Variants in PCDHGB5 observed in about 807,000 individuals in gnomAD.
PCDHGB5 encodes the protein protocadherin gamma-B5.
PCDHGB5 carries 48 observed loss-of-function variants against 62.9 expected under a neutral mutation model. The observed-to-expected ratio is 0.76, with a 90% confidence interval of 0.61 to 0.97. The LOEUF is 0.97. Ranked by LOEUF, PCDHGB5 falls within the 50% of genes least tolerant of loss-of-function variation. The probability of loss-of-function intolerance (pLI) is 0.00; values close to 1 mark genes in which losing one functional copy is unlikely to be tolerated. For missense variants in PCDHGB5, 1,118 were observed against 1,198.6 expected, an observed-to-expected ratio of 0.93 and a Z score of 0.99; for synonymous variants, 474 against 511.2, an observed-to-expected ratio of 0.93 and a Z score of 0.98.
intron 1 of PCDHGB5, among the ~76,000 whole-genome samples, chr5:141,483,459 G>A (rs1214951485): frequency 6.6e-6 from 1 of 152,186 alleles, no homozygotes; most frequent in Non-Finnish European, 1.5e-5. Flanking sequence ...AGGACTTGTT[G>A]ATTGACATGA....
In PCDHGB5 at chr5:141,489,750, C is replaced by A. The variant is rs753217170; in HGVS notation, c.2398-5057C>A. 1 of 1,614,098 alleles carries A rather than the reference C, an allele frequency of 6.2e-7. No individual in the cohort carries two copies. The highest frequency in any genetic ancestry group is 1.1e-5 in the South Asian group (1 of 91,080). Reference sequence around the variant, plus strand: ...TGGGCACCAATACTGTGAGCTTTTACACTCTAAGCCCCAACAGCCACTTCT... The same window carrying A: ...TGGGCACCAATACTGTGAGCTTTTAAACTCTAAGCCCCAACAGCCACTTCT... On this transcript the variant is annotated intron_variant, in intron 1 of 3. Coordinates refer to ENST00000617380, the MANE Select transcript of PCDHGB5 (RefSeq NM_018925.3). This position sits in a 1 kb window ranked among gnomAD's most constrained non-coding sequence, Gnocchi z 4.5.
Position 141,489,245 on chromosome 5 carries a change from G to A in PCDHGB5, c.2398-5562G>A, listed in dbSNP as rs773391205. 3 of 1,536,634 alleles carry A rather than the reference G, an allele frequency of 2.0e-6. No homozygotes were observed. The South Asian group carries it at 3.9e-5, about 20-fold the overall frequency. On this transcript the variant is annotated intron_variant, in intron 1 of 3. Transcript: ENST00000617380. The surrounding 1 kb of genome is among the most constrained non-coding windows in gnomAD (Gnocchi z 4.5). The stretch of plus-strand genomic sequence containing the variant: ...CCACAAAGGGACTTCTGGGTCATGG[G>A]GCCCAAGACACTCCCACAGCTCGCT...
intron 1 of PCDHGB5, among the ~76,000 whole-genome samples, chr5:141,447,863 A>G (rs553375129): frequency 6.6e-6 from 1 of 152,254 alleles, no homozygotes; most frequent in East Asian, 1.9e-4. Flanking sequence ...AGGTGGGTGA[A>G]TCATCTGAGG....
chr5:141,409,749 C>T (rs1477022032), intron 1 of PCDHGB5: 4 of 1,613,030 alleles, frequency 2.5e-6, no homozygotes, highest in Admixed American at 1.7e-5. Context: ...GTGGTGTTCG[C>T]GCAGCGCGCC....
chr5:141,479,616 C>A (rs1371541860), intron 1 of PCDHGB5: 2 of 152,232 alleles, frequency 1.3e-5, no homozygotes, highest in African/African-American at 4.8e-5. Flanking sequence ...TATAGGGAAA[C>A]CATGTCTCTT....
rs1000775080 is a variant in PCDHGB5 at position 141,487,567 on chromosome 5, G to C, written c.2398-7240G>C. 2 of 1,614,168 alleles carry C rather than the reference G, an allele frequency of 1.2e-6. No individual in the cohort carries two copies. The highest frequency in any genetic ancestry group is 1.7e-6 in the Non-Finnish European group (2 of 1,180,036). ...CACCCAGTGCACCTATGGCAGGGGA[G>C]CCTGTTCGCCCAAGCTGCCCACCCT... On this transcript the variant is annotated intron_variant, in intron 1 of 3. Coordinates refer to ENST00000617380, the MANE Select transcript of PCDHGB5 (RefSeq NM_018925.3). The surrounding 1 kb of genome is among the most constrained non-coding windows in gnomAD (Gnocchi z 5.0).
intron 1 of PCDHGB5, chr5:141,422,139 A>C: frequency 1.9e-6 from 3 of 1,588,154 alleles, no homozygotes; most frequent in Non-Finnish European, 2.6e-6. Context: ...AAGTTCAAGT[A>C]CGGGGGTCTC....
intron 1 of PCDHGB5, among the ~76,000 whole-genome samples, chr5:141,462,993 T>A (rs1350208420): frequency 1.3e-5 from 2 of 152,164 alleles, no homozygotes; most frequent in African/African-American, 4.8e-5. Flanking sequence ...TTGGGCTAAT[T>A]TAGACCTACC....
Position 141,491,737 on chromosome 5 carries a change from G to C in PCDHGB5, c.2398-3070G>C, listed in dbSNP as rs548808722. 1.2e-6 allele frequency: 2 copies of C among 1,600,586 alleles called. No homozygotes were observed. The highest frequency in any genetic ancestry group is 2.7e-5 in the African/African-American group (2 of 74,486). On this transcript the variant is annotated intron_variant, in intron 1 of 3. Transcript: ENST00000617380. The surrounding 1 kb of genome is among the most constrained non-coding windows in gnomAD (Gnocchi z 6.9). ...GGCGCCGCCCCGGGCGACCCCTGGG[G>C]GCGGCACTGGAGAAGCCGCCCGTCC...
chr5:141,487,889 T>C lies in PCDHGB5; in HGVS notation c.2398-6918T>C, dbSNP rs984668596. On this transcript the variant is annotated intron_variant, in intron 1 of 3. Transcript: ENST00000617380. The surrounding 1 kb of genome is among the most constrained non-coding windows in gnomAD (Gnocchi z 5.0). ...CAAGAGCCAGGCTGTTGTGGAAGCA[T>C]GATGATGGAATGTGGGAGCACAGGA... 6.7e-6 allele frequency: 5 copies of C among 747,180 alleles called. No homozygotes were observed. The highest frequency in any genetic ancestry group is 1.1e-5 in the Non-Finnish European group (5 of 464,054). The allele number at this position is 747,180 out of a possible 1,614,324, so 46.3% of individuals were successfully genotyped here. A position where few individuals can be genotyped will look rare whatever the true frequency, so the allele number is the denominator to read the frequency against.
intron 1 of PCDHGB5, among the ~76,000 whole-genome samples, chr5:141,429,535 T>TG (rs1278730394): frequency 2.0e-5 from 3 of 152,168 alleles, no homozygotes; most frequent in Non-Finnish European, 4.4e-5. Flanking sequence ...CTTAAAAAAA[T>TG]AAGAACATGG....
chr5:141,482,503 C>A (rs375429072), intron 1 of PCDHGB5, among the ~76,000 whole-genome samples: 2 of 136,154 alleles, frequency 1.5e-5, no homozygotes, highest in South Asian at 4.4e-4. Context: ...CATTCTGGTA[C>A]CCAGAGTACA....
At chr5:141,427,870 C>T (rs773176633) in intron 1 of PCDHGB5, 86 of 1,558,630 alleles carry the variant, frequency 5.5e-5, no homozygotes, top group Non-Finnish European at 4.8e-5. Context: ...TTCGAGCTCA[C>T]GATGCAGGCC....
At chr5:141,501,755 G>C (rs2099810889) in intron 2 of PCDHGB5, among the ~76,000 whole-genome samples, 1 of 152,116 alleles carries the variant, frequency 6.6e-6, no homozygotes, top group Non-Finnish European at 1.5e-5. Context: ...GAAGCTCTCA[G>C]TAAATGGTTA....
At chr5:141,435,805 T>C (rs2097780946) in intron 1 of PCDHGB5, among the ~76,000 whole-genome samples, 1 of 152,178 alleles carries the variant, frequency 6.6e-6, no homozygotes, top group African/African-American at 2.4e-5. Flanking sequence ...GTCCCAATTA[T>C]TTTTTCTTTC....
intron 1 of PCDHGB5, among the ~76,000 whole-genome samples, chr5:141,468,777 A>T (rs2099178581): frequency 6.7e-6 from 1 of 150,364 alleles, no homozygotes; most frequent in Non-Finnish European, 1.5e-5. Flanking sequence ...GAGGCAGGAG[A>T]ATGGCGTGAA....
intron 1 of PCDHGB5, among the ~76,000 whole-genome samples, chr5:141,439,635 C>T (rs1326926948): frequency 3.3e-5 from 5 of 152,274 alleles, no homozygotes; most frequent in Middle Eastern, 3.4e-3. Context: ...CCAGACATTC[C>T]GGCTTGGTGG....
chr5:141,497,104 T>C (rs757158984), intron 2 of PCDHGB5, among the ~76,000 whole-genome samples: 44 of 151,910 alleles, frequency 2.9e-4, no homozygotes, highest in Non-Finnish European at 5.9e-4. Context: ...CAGAACTGCT[T>C]GAACCCGGAA....
In PCDHGB5 at chr5:141,431,321, G is replaced by A. The variant is rs112186927; in HGVS notation, c.2397+30797G>A. The A allele has an allele frequency of 1.2e-6, 2 of 1,613,938 alleles. No individual in the cohort carries two copies. The highest frequency in any genetic ancestry group is 1.3e-5 in the African/African-American group (1 of 74,910). ...CCTCATCGTGCAAAATGGAGCCGAC[G>A]GTAGTAAGTACCCCGAATTGGTGCT... is the stretch of plus-strand genomic sequence containing the variant. On this transcript the variant is annotated intron_variant, in intron 1 of 3. Transcript: ENST00000617380. The surrounding 1 kb of genome is among the most constrained non-coding windows in gnomAD (Gnocchi z 4.8).
Sources: gnomAD v4.1 joint callset for allele counts (sites outside exome capture counted in the v4.1 genomes callset) on GRCh38, gnomAD v4.1.1 for gene constraint, Gnocchi (gnomAD v3.1) non-coding constraint, MANE v1.5 for transcripts, NCBI Gene and HGNC (gene_info 2026-07-23, HGNC 2026-07-21) for gene names.